Variants in CAPN14 observed in about 807,000 individuals in gnomAD.
CAPN14 encodes the protein calpain 14, also known as calpain-14.
In CAPN14, 94 loss-of-function variants were observed where a neutral mutation model predicts 101.3. That is an observed-to-expected ratio of 0.93 (90% confidence interval 0.79 to 1.10). The LOEUF is 1.10. Among genes scored for constraint, CAPN14 ranks in the 50% least tolerant of loss-of-function variants. The pLI is 0.00. For missense variants in CAPN14, 837 were observed against 828.4 expected, an observed-to-expected ratio of 1.01 and a Z score of -0.13; for synonymous variants, 338 against 317.9, an observed-to-expected ratio of 1.06 and a Z score of -0.67.
intron 1 of CAPN14, among the ~76,000 whole-genome samples, chr2:31,211,059 AT>A (rs2148698628): frequency 6.6e-6 from 1 of 152,342 alleles, no homozygotes; most frequent in South Asian, 2.1e-4. Flanking sequence ...TACTAAAAAA[AT>A]CTAGAGGAAC....
chr2:31,205,578 G>A (rs1454650164), intron 1 of CAPN14, 79 bp from the exon 2 acceptor site: 3 of 736,012 alleles, frequency 4.1e-6, no homozygotes, highest in African/African-American at 1.8e-5. Flanking sequence ...GGGGAAGGAT[G>A]GAGAGAATGG....
chr2:31,202,225 T>C lies in CAPN14; in HGVS notation c.323A>G (p.Gln108Arg). 1.3e-6 allele frequency: 2 copies of C among 1,551,552 alleles called. No individual in the cohort carries two copies. Among genetic ancestry groups the C allele is most frequent in the East Asian group, 2.4e-5 (1 of 40,924 alleles). ...GATGTCCTGGTGCAAGGCCAGAGCT[T>C]GCAAAGCAGCCAAGAACCAGCAGTC... ...VGDCWFLAAL[Q>R]ALALHQDILS... Residue 108 changes from glutamine (Q) to arginine (R), a missense_variant, in exon 4 of 22, where the codon CAA becomes CGA. By Grantham distance (43) the Gln-to-Arg change is conservative. Coordinates refer to ENST00000403897, the MANE Select transcript of CAPN14 (RefSeq NM_001145122.2).
intron 8 of CAPN14, among the ~76,000 whole-genome samples, chr2:31,194,951 C>T (rs1273302174): frequency 6.6e-6 from 1 of 152,164 alleles, no homozygotes; most frequent in Admixed American, 6.5e-5. Flanking sequence ...CAGCAGGCAA[C>T]AGGGGTCTGT....
intron 17 of CAPN14, among the ~76,000 whole-genome samples, chr2:31,179,342 T>C (rs1251785102): frequency 2.6e-5 from 4 of 152,108 alleles, no homozygotes; most frequent in African/African-American, 7.2e-5. Flanking sequence ...CTCCTTGCGA[T>C]AGTTTGCTCA....
chr2:31,202,161 C>G lies in CAPN14; in HGVS notation c.387G>C (p.Glu129Asp). Reference protein sequence around the residue: ...RVVPLNQSFTEKYAGIFRFWF... With the variant: ...RVVPLNQSFTDKYAGIFRFWF... ...AGAACCGGAAGATGCCAGCATACTT[C>G]TCAGTGAAACTCTGATTCAGGGGAA... Residue 129 changes from glutamate (E) to aspartate (D), a missense_variant, in exon 4 of 22, where the codon GAG (glutamate) becomes GAC (aspartate). By Grantham distance (45) the Glu-to-Asp change is conservative. Coordinates refer to ENST00000403897, the MANE Select transcript of CAPN14 (RefSeq NM_001145122.2). 1 of 1,551,926 alleles carries G rather than the reference C, an allele frequency of 6.4e-7. No homozygotes were observed. The highest frequency in any genetic ancestry group is 8.7e-7 in the Non-Finnish European group (1 of 1,147,026).
chr2:31,173,285 T>A lies in CAPN14; in HGVS notation c.*1396A>T, dbSNP rs1680135204. The A allele has an allele frequency of 6.6e-6, 1 of 152,240 alleles. No individual in the cohort carries two copies. 9.4% of individuals were successfully genotyped at this position (152,240 alleles called of 1,614,324 possible). On this transcript the variant is annotated 3_prime_UTR_variant, in exon 22 of 22. Transcript: ENST00000403897. Reference sequence around the variant, plus strand: ...GGGTTTTTTTTCCTAAATAAAATACTTTCCTACCCCATAAGCTACGCTTTC... The same window carrying A: ...GGGTTTTTTTTCCTAAATAAAATACATTCCTACCCCATAAGCTACGCTTTC...
chr2:31,176,969 G>T, intron 20 of CAPN14, 57 bp downstream of exon 20: 1 of 1,240,242 alleles, frequency 8.1e-7, no homozygotes, highest in South Asian at 1.3e-5. Context: ...GGGACAGGTG[G>T]GAAGTCATGG....
chr2:31,174,606 G>C lies in CAPN14; in HGVS notation c.*75C>G. The stretch of plus-strand genomic sequence containing the variant: ...GAAGATCAGTAAGTAGGGTGGGCAT[G>C]GGTTGGTCTCAGCCAAAGGCTGCTC... On this transcript the variant is annotated 3_prime_UTR_variant, in exon 22 of 22. Coordinates refer to ENST00000403897, the MANE Select transcript of CAPN14 (RefSeq NM_001145122.2). 6.8e-7 allele frequency: 1 copy of C among 1,470,814 alleles called. No homozygotes were observed. Among genetic ancestry groups the C allele is most frequent in the Non-Finnish European group, 9.3e-7 (1 of 1,074,760 alleles). 91.1% of individuals were successfully genotyped at this position (1,470,814 alleles called of 1,614,324 possible).
rs1680595820 is a variant in CAPN14, at chr2:31,181,398, T to TTTC, written c.1646-399_1646-398insGAA. Among the ~76,000 whole-genome samples the TTTC allele has an allele frequency of 1.5e-3, 199 of 135,066 alleles. 1 individual carries two copies. Among genetic ancestry groups the TTTC allele is most frequent in the African/African-American group, 5.3e-3 (184 of 34,864 alleles). 88.6% of individuals were successfully genotyped at this position (135,066 alleles called of 152,430 possible). On this transcript the variant is annotated intron_variant, in intron 16 of 21. Transcript: ENST00000403897. ...TTCTCTTTTCTTTTTTTCTTTCTTT[T>TTTC]TTTCTTTCTTTCTTTCTTTCTTTCT...
intron 17 of CAPN14, among the ~76,000 whole-genome samples, chr2:31,180,278 C>A (rs1416047597): frequency 1.3e-5 from 2 of 152,134 alleles, no homozygotes; most frequent in Admixed American, 6.5e-5. Context: ...TGCTCCATGC[C>A]CGTGCACCTA....
At chr2:31,218,092 C>G (rs73921595), upstream of CAPN14, among the ~76,000 whole-genome samples, 3 of 152,164 alleles carry the variant, frequency 2.0e-5, no homozygotes, top group South Asian at 2.1e-4. Flanking sequence ...TTTTGGCCAT[C>G]TGGGACTCAG....
chr2:31,228,999 A>G (rs1361391132), intron 1 of CAPN14, among the ~76,000 whole-genome samples: 1 of 152,222 alleles, frequency 6.6e-6, no homozygotes, highest in East Asian at 1.9e-4. Flanking sequence ...TGGGGCTGAA[A>G]ACAAATGTTG....
chr2:31,187,687 A>G lies in CAPN14; in HGVS notation c.1587+71T>C, dbSNP rs370137362. 26 of 1,359,132 alleles carry G rather than the reference A, an allele frequency of 1.9e-5. No homozygotes were observed. In the African/African-American group the frequency reaches 3.5e-4, roughly 18 times the overall value. The allele number at this position is 1,359,132 out of a possible 1,614,324, so 84.2% of individuals were successfully genotyped here. A position where few individuals can be genotyped will look rare whatever the true frequency, so the allele number is the denominator to read the frequency against. ...CAGCCTCAAGCAGGTGCAAACCTATACTTTATAAAATGAGAAGCTCCACTT... is the reference window on the plus strand; with the variant it reads ...CAGCCTCAAGCAGGTGCAAACCTATGCTTTATAAAATGAGAAGCTCCACTT... On this transcript the variant is annotated intron_variant, in intron 15 of 21. Coordinates refer to ENST00000403897, the MANE Select transcript of CAPN14 (RefSeq NM_001145122.2).
At chr2:31,189,617 A>G (rs1572402079) in intron 12 of CAPN14, 139 bp from the exon 13 acceptor site, 1 of 736,786 alleles carries the variant, frequency 1.4e-6, no homozygotes, top group Non-Finnish European at 2.4e-6. Flanking sequence ...GGAGGATGAA[A>G]CAAGTGGGGA....
rs1275771042 is a variant in CAPN14, at chr2:31,174,308, T to G, written c.*373A>C. 11 of 342,214 alleles carry G rather than the reference T, an allele frequency of 3.2e-5. No individual in the cohort carries two copies. Among genetic ancestry groups the G allele is most frequent in the Non-Finnish European group, 5.9e-5 (11 of 186,184 alleles). 21.2% of individuals were successfully genotyped at this position (342,214 alleles called of 1,614,324 possible). A position where few individuals can be genotyped will look rare whatever the true frequency, so the allele number is the denominator to read the frequency against. On this transcript the variant is annotated 3_prime_UTR_variant, in exon 22 of 22. Transcript: ENST00000403897. ...GATTACCCCACCATGTGAGAACATG[T>G]GGCATGTCTAAAGTCACTTGAGTTT...
In CAPN14 at chr2:31,194,390, A is replaced by T; in HGVS notation, c.950+19T>A. ...CAAATGTAGGCCAGGACATTTGTCCAAGTCCCTAAGTCCAATACCAGAATT... is the reference window on the plus strand; with the variant it reads ...CAAATGTAGGCCAGGACATTTGTCCTAGTCCCTAAGTCCAATACCAGAATT... On this transcript the variant is annotated intron_variant, in intron 9 of 21. Coordinates refer to ENST00000403897, the MANE Select transcript of CAPN14 (RefSeq NM_001145122.2). 6.5e-7 allele frequency: 1 copy of T among 1,542,998 alleles called. No homozygotes were observed. Among genetic ancestry groups the T allele is most frequent in the Non-Finnish European group, 8.8e-7 (1 of 1,139,154 alleles).
chr2:31,203,096 C>CT lies in CAPN14; in HGVS notation c.268dup (p.Arg90LysfsTer40). On this transcript the variant is annotated frameshift_variant, in exon 3 of 22. Coordinates refer to ENST00000403897, the MANE Select transcript of CAPN14 (RefSeq NM_001145122.2). LOFTEE classifies it high-confidence loss of function. ...TACTATCCCCTGGCACAGATCCAGCCTTTTGGCCTTGGCAAAATAAAACTG... is the reference window on the plus strand; with the variant it reads ...TACTATCCCCTGGCACAGATCCAGCCTTTTTGGCCTTGGCAAAATAAAACTG... The CT allele has an allele frequency of 6.4e-7, 1 of 1,551,666 alleles. No homozygotes were observed. Among genetic ancestry groups the CT allele is most frequent in the South Asian group, 1.2e-5 (1 of 84,058 alleles).
intron 3 of CAPN14, 112 bp downstream of exon 3, chr2:31,202,958 G>T: frequency 2.4e-6 from 2 of 837,164 alleles, no homozygotes; most frequent in Non-Finnish European, 3.8e-6. Context: ...GCCATTTTGG[G>T]CCTCTCTCCA....
chr2:31,222,238 A>T (rs1170659360), upstream of CAPN14, among the ~76,000 whole-genome samples: 5 of 152,210 alleles, frequency 3.3e-5, no homozygotes, highest in Non-Finnish European at 7.3e-5. Context: ...ACTGAAAAGC[A>T]TGATATCTAG....
Sources: gnomAD v4.1 joint callset for allele counts (sites outside exome capture counted in the v4.1 genomes callset) on GRCh38, gnomAD v4.1.1 for gene constraint, MANE v1.5 for transcripts, NCBI Gene and HGNC (gene_info 2026-07-23, HGNC 2026-07-21) for gene names.